Variants in TICRR observed in about 807,000 individuals in gnomAD.
TICRR encodes treslin.
Under a neutral mutation model 178.1 loss-of-function variants are expected in TICRR, and 132 were observed. The observed-to-expected ratio is 0.74, with a 90% CI of 0.64 to 0.86. The LOEUF is 0.86. TICRR is among the 40% of genes least tolerant of loss of function. The pLI, the probability that TICRR is intolerant of heterozygous loss-of-function variation, is 0.00. For missense variants in TICRR, 2,587 were observed against 2,334.3 expected, an observed-to-expected ratio of 1.11 and a Z score of -2.23; for synonymous variants, 991 against 900.7, an observed-to-expected ratio of 1.10 and a Z score of -1.79.
At position 89,625,514 on chromosome 15, in the gene TICRR, T is replaced by C. The variant is rs201281891; in HGVS notation, c.5204T>C (p.Leu1735Ser). The change falls in exon 20 of 22, where the codon TTG (leucine) becomes TCG (serine). Residue 1735 changes from leucine to serine, a missense_variant. Physicochemically the swap from Leu to Ser is moderately radical, Grantham distance 145. Transcript: ENST00000268138. Reference protein sequence around the residue: ...LELSIHRTPILEDFELEGVCQ... With the variant: ...LELSIHRTPISEDFELEGVCQ... ...CTCAGCATCCACAGGACGCCCATCT[T>C]GGAGGATTTTGAGCTCGAGGGAGTG... is the stretch of plus-strand genomic sequence containing the variant. 107 of 1,613,676 alleles carry C rather than the reference T, an allele frequency of 6.6e-5. No individual in the cohort carries two copies. Among genetic ancestry groups the C allele is most frequent in the Non-Finnish European group, 8.3e-5 (98 of 1,180,012 alleles).
In TICRR at chr15:89,585,717, G is replaced by C. The variant is rs761744430; in HGVS notation, c.1186G>C (p.Val396Leu). The change falls in exon 4 of 22, where the codon GTG (valine) becomes CTG (leucine). Residue 396 changes from valine (V) to leucine (L), a missense_variant. Physicochemically the swap from Val to Leu is conservative, Grantham distance 32. Coordinates refer to ENST00000268138, the MANE Select transcript of TICRR (RefSeq NM_152259.4). Reference protein sequence around the residue: ...TAEELHLVADVDPGEGRPPIT... With the variant: ...TAEELHLVADLDPGEGRPPIT... ...AGGGCTTCTCACGTAGGTTGCTGATGTGGACCCTGGTGAAGGCCGGCCCCC... is the reference window on the plus strand; with the variant it reads ...AGGGCTTCTCACGTAGGTTGCTGATCTGGACCCTGGTGAAGGCCGGCCCCC... 1 of 1,613,888 alleles carries C rather than the reference G, an allele frequency of 6.2e-7. No individual in the cohort carries two copies. The highest frequency in any genetic ancestry group is 2.2e-5 in the East Asian group (1 of 44,880).
chr15:89,586,251 C>G (rs1962821551), intron 4 of TICRR, among the ~76,000 whole-genome samples: 1 of 152,038 alleles, frequency 6.6e-6, no homozygotes, highest in African/African-American at 2.4e-5. Context: ...ACTAGCATTG[C>G]AACTAAATGC....
In TICRR at chr15:89,623,939, G is replaced by T. The variant is rs944004529; in HGVS notation, c.3629G>T (p.Cys1210Phe). 6.2e-7 allele frequency: 1 copy of T among 1,613,954 alleles called. No homozygotes were observed. Among genetic ancestry groups the T allele is most frequent in the Non-Finnish European group, 8.5e-7 (1 of 1,180,006 alleles). Residue 1210 changes from cysteine to phenylalanine, a missense_variant, in exon 20 of 22, where the codon TGT (cysteine) becomes TTT (phenylalanine). Cys to Phe is a radical substitution (Grantham distance 205). Coordinates refer to ENST00000268138, the MANE Select transcript of TICRR (RefSeq NM_152259.4). Reference protein sequence around the residue: ...GTQPPGFLPNCTWPHSVNSSP... With the variant: ...GTQPPGFLPNFTWPHSVNSSP... ...CAGCCGCCTGGGTTTTTGCCAAACT[G>T]TACTTGGCCACATTCAGTGAATTCC...
chr15:89,586,785 C>T (rs1427397097), intron 4 of TICRR, among the ~76,000 whole-genome samples: 2 of 152,070 alleles, frequency 1.3e-5, no homozygotes, highest in Non-Finnish European at 2.9e-5. Context: ...CCTGTGGCTG[C>T]AGTGAAAGGA....
Position 89,625,340 on chromosome 15 carries a change from C to G in TICRR, c.5030C>G (p.Thr1677Arg). The G allele has an allele frequency of 6.2e-7, 1 of 1,614,098 alleles. No individual in the cohort carries two copies. Among genetic ancestry groups the G allele is most frequent in the Non-Finnish European group, 8.5e-7 (1 of 1,180,026 alleles). ...WTPSPKHSGK[T>R]TPDIIKDWPR... ...CCATCCCCCAAGCACAGTGGGAAGA[C>G]AACTCCAGACATAATTAAAGACTGG... Residue 1677 changes from threonine (T) to arginine (R), a missense_variant, in exon 20 of 22, where the codon ACA becomes AGA. Coordinates refer to ENST00000268138, the MANE Select transcript of TICRR (RefSeq NM_152259.4).
chr15:89,626,814 T>G, intron 21 of TICRR, 142 bp from the exon 22 acceptor site: 1 of 890,952 alleles, frequency 1.1e-6, no homozygotes, highest in Non-Finnish European at 1.7e-6. Flanking sequence ...TAGGTACCAT[T>G]TCTGTAGGAT....
chr15:89,582,978 T>A lies in TICRR; in HGVS notation c.934+13T>A, dbSNP rs1050561991. 1 of 1,571,202 alleles carries A rather than the reference T, an allele frequency of 6.4e-7. No individual in the cohort carries two copies. The highest frequency in any genetic ancestry group is 2.2e-5 in the East Asian group (1 of 44,566). ...CTCCCTGTTGAAGGTAAGCAAATAATATTTTAAGGTTTTTTTTTTTTTAAA... is the reference window on the plus strand; with the variant it reads ...CTCCCTGTTGAAGGTAAGCAAATAAAATTTTAAGGTTTTTTTTTTTTTAAA... On this transcript the variant is annotated intron_variant, in intron 2 of 21. Coordinates refer to ENST00000268138, the MANE Select transcript of TICRR (RefSeq NM_152259.4).
intron 7 of TICRR, among the ~76,000 whole-genome samples, chr15:89,598,516 C>T (rs1963038438): frequency 6.6e-6 from 1 of 151,928 alleles, no homozygotes; most frequent in Non-Finnish European, 1.5e-5. Context: ...GCGCCCGCCA[C>T]TACGCCCGGG....
intron 14 of TICRR, among the ~76,000 whole-genome samples, chr15:89,607,221 T>C (rs1471190913): frequency 6.6e-6 from 1 of 152,118 alleles, no homozygotes; most frequent in Non-Finnish European, 1.5e-5. Context: ...CTAGAGAAAT[T>C]TGAAGAAGCG....
At chr15:89,621,358 AAG>A in intron 18 of TICRR, 33 bp from the exon 19 acceptor site, 1 of 1,579,822 alleles carries the variant, frequency 6.3e-7, no homozygotes, top group South Asian at 1.2e-5. Context: ...GGAATTGAGA[AAG>A]AATTAAATAT....
chr15:89,618,213 G>A lies in TICRR; in HGVS notation c.3019+3G>A. 5.0e-6 allele frequency: 8 copies of A among 1,613,870 alleles called. No homozygotes were observed. Among genetic ancestry groups the A allele is most frequent in the Non-Finnish European group, 5.9e-6 (7 of 1,179,738 alleles). ...AGAGTCCCCTGAAAAAGGAGATGGT[G>A]AGTGTTATCTCTTTTTGTTTTTAAT... is the stretch of plus-strand genomic sequence containing the variant. On this transcript the variant is annotated splice_donor_region_variant and intron_variant, in intron 17 of 21. Coordinates refer to ENST00000268138, the MANE Select transcript of TICRR (RefSeq NM_152259.4).
intron 5 of TICRR, among the ~76,000 whole-genome samples, chr15:89,592,441 C>T (rs1203232304): frequency 6.6e-6 from 1 of 151,724 alleles, no homozygotes; most frequent in Non-Finnish European, 1.5e-5. Flanking sequence ...ATAAATACTC[C>T]CTTAAAGTGA....
rs1166903025 is a variant in TICRR at position 89,624,923 on chromosome 15, CACA to C, written c.4616_4618del (p.Gln1539del). 6.2e-7 allele frequency: 1 copy of C among 1,613,978 alleles called. No individual in the cohort carries two copies. Among genetic ancestry groups the C allele is most frequent in the African/African-American group, 1.3e-5 (1 of 74,902 alleles). On this transcript the variant is annotated inframe_deletion, in exon 20 of 22. Coordinates refer to ENST00000268138, the MANE Select transcript of TICRR (RefSeq NM_152259.4). ...GATGGGAGACAGTGCCAGGCTTCGG[CACA>C]ACTAGACAACCTGCCAGCATCAGCT...
rs200336344 is a variant in TICRR, at chr15:89,576,170, A to G, written c.584A>G (p.Lys195Arg). The G allele has an allele frequency of 4.0e-5, 64 of 1,603,478 alleles. 1 individual carries two copies. The South Asian group carries it at 5.1e-4, about 13-fold the overall frequency. ...PKQVMEKLLP[K>R]RVREVMVARK... The stretch of plus-strand genomic sequence containing the variant: ...CAGGTGATGGAGAAGTTGTTGCCCA[A>G]GAGAGTCCGGGAAGTCATGGTCGCC... The change falls in exon 1 of 22, where the codon AAG becomes AGG. Residue 195 changes from lysine (K) to arginine (R), a missense_variant. Physicochemically the swap from Lys to Arg is conservative, Grantham distance 26 (BLOSUM62 2). Transcript: ENST00000268138.
chr15:89,609,014 C>T (rs1189881087), intron 15 of TICRR, 65 bp downstream of exon 15: 4 of 1,424,172 alleles, frequency 2.8e-6, no homozygotes, highest in East Asian at 2.7e-5. Flanking sequence ...TAGTAATGTA[C>T]CGTCTTTCTT....
At chr15:89,597,515 A>G (rs542850375) in intron 7 of TICRR, among the ~76,000 whole-genome samples, 4,058 of 141,608 alleles carry the variant, frequency 0.029, 179 homozygotes, top group African/African-American at 0.099. Flanking sequence ...ACGGAGCAAG[A>G]CTCTGTCTCA....
rs140742750 is a variant in TICRR at position 89,575,511 on chromosome 15, T to C, written c.-76T>C. On this transcript the variant is annotated 5_prime_UTR_variant, in exon 1 of 22. Coordinates refer to ENST00000268138, the MANE Select transcript of TICRR (RefSeq NM_152259.4). ...CCCAAAGGAAAGCAGTGAGTGGTGCTGTTTCCCTGAAGGAAGGGACTAAGG... is the reference window on the plus strand; with the variant it reads ...CCCAAAGGAAAGCAGTGAGTGGTGCCGTTTCCCTGAAGGAAGGGACTAAGG... 1 of 1,349,426 alleles carries C rather than the reference T, an allele frequency of 7.4e-7. No homozygotes were observed. The highest frequency in any genetic ancestry group is 9.7e-7 in the Non-Finnish European group (1 of 1,028,454). The allele number at this position is 1,349,426 out of a possible 1,614,324, so 83.6% of individuals were successfully genotyped here. A position where few individuals can be genotyped will look rare whatever the true frequency, so the allele number is the denominator to read the frequency against.
chr15:89,585,598 T>G (rs900430402), intron 3 of TICRR, 110 bp from the exon 4 acceptor site: 10 of 763,220 alleles, frequency 1.3e-5, no homozygotes, highest in Admixed American at 2.3e-5. Context: ...TTTCATAGTT[T>G]TCACGTTAAT....
At chr15:89,619,504 G>GT (rs1270614659) in intron 17 of TICRR, among the ~76,000 whole-genome samples, 1 of 152,040 alleles carries the variant, frequency 6.6e-6, no homozygotes, top group East Asian at 1.9e-4. Context: ...GTGGGTCAGT[G>GT]TTTTTTTAAT....
Sources: gnomAD v4.1 joint callset for allele counts (sites outside exome capture counted in the v4.1 genomes callset) on GRCh38, gnomAD v4.1.1 for gene constraint, MANE v1.5 for transcripts, NCBI Gene and HGNC (gene_info 2026-07-23, HGNC 2026-07-21) for gene names.